Variants in GNAZ observed in about 807,000 individuals in gnomAD.
GNAZ encodes G protein subunit alpha z, also known as guanine nucleotide-binding protein G(z) subunit alpha.
In GNAZ, 3 loss-of-function variants were observed where a neutral mutation model predicts 25.4. The ratio of observed to expected loss-of-function variants is 0.12; its 90% confidence interval spans 0.05 to 0.30. The LOEUF is 0.30. GNAZ is among the 10% of genes least tolerant of loss of function. The pLI, the probability that GNAZ is intolerant of heterozygous loss-of-function variation, is 1.00. For missense variants in GNAZ, 241 were observed against 501.8 expected, an observed-to-expected ratio of 0.48 and a Z score of 4.97; for synonymous variants, 211 against 205.7, an observed-to-expected ratio of 1.03 and a Z score of -0.22.
intron 1 of GNAZ, among the ~76,000 whole-genome samples, chr22:23,078,445 T>A (rs2068570469): frequency 6.6e-6 from 1 of 152,254 alleles, no homozygotes; most frequent in East Asian, 1.9e-4. Flanking sequence ...CCCCCAACAC[T>A]GCCCACCTCC....
rs1307717776 is a variant in GNAZ at position 23,075,253 on chromosome 22, C to T, written c.-450+4683C>T. On this transcript the variant is annotated intron_variant, in intron 1 of 2. Transcript: ENST00000615612. ...GTGGGTTGCGTTGGACTTTCAGGGCCGCTGGAGTCAGTCACACCCAGCCTG... is the reference window on the plus strand; with the variant it reads ...GTGGGTTGCGTTGGACTTTCAGGGCTGCTGGAGTCAGTCACACCCAGCCTG... Among the ~76,000 whole-genome samples the T allele has an allele frequency of 2.0e-5, 3 of 152,136 alleles. No individual in the cohort carries two copies. The South Asian group carries it at 6.2e-4, about 31-fold the overall frequency.
chr22:23,102,004 G>A (rs775188809), intron 2 of GNAZ, among the ~76,000 whole-genome samples: 4 of 152,218 alleles, frequency 2.6e-5, no homozygotes, highest in Non-Finnish European at 5.9e-5. Context: ...GCACTGGAGC[G>A]ATGGGGCCAG....
chr22:23,096,173 C>T lies in GNAZ; in HGVS notation c.478C>T (p.Leu160=). The change falls in exon 2 of 3, where the codon CTG becomes TTG. Residue 160 remains leucine (L), a synonymous_variant. Transcript: ENST00000615612. ...CAACGCGGCCTACTACCTGAACGACCTGGAGCGCATCGCCGCAGCTGACTA... is the reference window on the plus strand; with the variant it reads ...CAACGCGGCCTACTACCTGAACGACTTGGAGCGCATCGCCGCAGCTGACTA... ...EDNAAYYLND[L]ERIAAADYIP... 6.2e-7 allele frequency: 1 copy of T among 1,613,334 alleles called. No individual in the cohort carries two copies. The highest frequency in any genetic ancestry group is 8.5e-7 in the Non-Finnish European group (1 of 1,179,860).
At position 23,124,388 on chromosome 22, in the gene GNAZ, T is replaced by A. The variant is rs1386557485; in HGVS notation, c.*957T>A. On this transcript the variant is annotated 3_prime_UTR_variant, in exon 3 of 3. Coordinates refer to ENST00000615612, the MANE Select transcript of GNAZ (RefSeq NM_002073.4). Reference sequence around the variant, plus strand: ...TAAAAGTTGTTATCTGGACGATCTGTCTCTCTGCTCCAAAGAAATTTTGGA... The same window carrying A: ...TAAAAGTTGTTATCTGGACGATCTGACTCTCTGCTCCAAAGAAATTTTGGA... The A allele has an allele frequency of 6.4e-6, 3 of 469,490 alleles. No homozygotes were observed. Among genetic ancestry groups the A allele is most frequent in the African/African-American group, 6.0e-5 (3 of 50,040 alleles). The allele number at this position is 469,490 out of a possible 1,614,324, so 29.1% of individuals were successfully genotyped here.
chr22:23,107,195 G>C (rs926425995), intron 2 of GNAZ, among the ~76,000 whole-genome samples: 5 of 152,166 alleles, frequency 3.3e-5, no homozygotes, highest in South Asian at 2.1e-4. Flanking sequence ...ATAGTTGCAG[G>C]GGGGAGGGGG....
chr22:23,111,118 A>G (rs1057229305), intron 2 of GNAZ, among the ~76,000 whole-genome samples: 2 of 152,136 alleles, frequency 1.3e-5, no homozygotes, highest in African/African-American at 4.8e-5. Flanking sequence ...GGAATGACTC[A>G]TGCCTCCTCC....
chr22:23,078,818 C>T (rs1741902976), intron 1 of GNAZ, among the ~76,000 whole-genome samples: 1 of 152,212 alleles, frequency 6.6e-6, no homozygotes, highest in Non-Finnish European at 1.5e-5. Context: ...AGCCCAGCCC[C>T]AAAGGGCTTA....
chr22:23,105,123 G>C (rs551481157), intron 2 of GNAZ, among the ~76,000 whole-genome samples: 5 of 152,276 alleles, frequency 3.3e-5, no homozygotes, highest in African/African-American at 9.6e-5. Context: ...GGGGGCCCTG[G>C]GCCTTGTATC....
At chr22:23,114,180 G>A (rs143841975) in intron 2 of GNAZ, among the ~76,000 whole-genome samples, 1 of 152,236 alleles carries the variant, frequency 6.6e-6, no homozygotes, top group African/African-American at 2.4e-5. Flanking sequence ...TGGCCGCAGG[G>A]CTGGCCTGTC....
intron 1 of GNAZ, among the ~76,000 whole-genome samples, chr22:23,087,945 T>C (rs1178473596): frequency 6.6e-6 from 1 of 152,216 alleles, no homozygotes; most frequent in Non-Finnish European, 1.5e-5. Context: ...GTGGCTAATG[T>C]GAGTCCTACA....
intron 2 of GNAZ, among the ~76,000 whole-genome samples, chr22:23,110,558 A>T (rs1377419312): frequency 6.6e-6 from 1 of 152,200 alleles, no homozygotes; most frequent in African/African-American, 2.4e-5. Context: ...TCGCTACCAG[A>T]GACCCTCTCC....
Position 23,080,139 on chromosome 22 carries a change from C to A in GNAZ, c.-450+9569C>A, listed in dbSNP as rs529367941. On this transcript the variant is annotated intron_variant, in intron 1 of 2. Transcript: ENST00000615612. ...CACTTCTTCTCTGCTGTCATGGCCA[C>A]CCTCTCCTCCATAGGTGGAACCTTT... Among the ~76,000 whole-genome samples, 6 of 152,352 alleles carry A rather than the reference C, an allele frequency of 3.9e-5. No homozygotes were observed. In the South Asian group the frequency reaches 8.3e-4, roughly 21 times the overall value.
intron 2 of GNAZ, among the ~76,000 whole-genome samples, chr22:23,098,404 T>C (rs187357352): frequency 2.6e-5 from 4 of 152,328 alleles, no homozygotes; most frequent in Admixed American, 2.6e-4. Flanking sequence ...ATGGGCTGGG[T>C]GGCCCCTGTG....
At chr22:23,118,230 G>A (rs2069906315) in intron 2 of GNAZ, among the ~76,000 whole-genome samples, 1 of 152,218 alleles carries the variant, frequency 6.6e-6, no homozygotes, top group Non-Finnish European at 1.5e-5. Context: ...CTGAAGGCCT[G>A]GTTACAAATC....
chr22:23,085,912 A>G (rs1349823989), intron 1 of GNAZ, among the ~76,000 whole-genome samples: 2 of 152,230 alleles, frequency 1.3e-5, no homozygotes, highest in Non-Finnish European at 2.9e-5. Flanking sequence ...TCAAGGAGAA[A>G]ATCCCAGTTT....
rs114676033 is a variant in GNAZ at position 23,078,915 on chromosome 22, C to A, written c.-450+8345C>A. Among the ~76,000 whole-genome samples, 1,345 of 152,296 alleles carry A rather than the reference C, an allele frequency of 8.8e-3. 25 individuals carry two copies. Among genetic ancestry groups the A allele is most frequent in the African/African-American group, 0.031 (1,274 of 41,554 alleles). On this transcript the variant is annotated intron_variant, in intron 1 of 2. Coordinates refer to ENST00000615612, the MANE Select transcript of GNAZ (RefSeq NM_002073.4). ...TCGGCCAAGTCCAGGTGGGCGGGGGCTGTGCGTCTACCCGTGTCCACCCAG... is the reference window on the plus strand; with the variant it reads ...TCGGCCAAGTCCAGGTGGGCGGGGGATGTGCGTCTACCCGTGTCCACCCAG...
chr22:23,081,187 A>C (rs1359755763), intron 1 of GNAZ, among the ~76,000 whole-genome samples: 1 of 152,186 alleles, frequency 6.6e-6, no homozygotes, highest in African/African-American at 2.4e-5. Flanking sequence ...AAGGAGTATA[A>C]CAGCCTAAAG....
chr22:23,076,087 C>T (rs2068498874), intron 1 of GNAZ, among the ~76,000 whole-genome samples: 1 of 152,226 alleles, frequency 6.6e-6, no homozygotes, highest in Non-Finnish European at 1.5e-5. Context: ...GTGCTGGAGG[C>T]TGGCATGGCA....
At chr22:23,114,679 G>A (rs748785267) in intron 2 of GNAZ, among the ~76,000 whole-genome samples, 4 of 152,254 alleles carry the variant, frequency 2.6e-5, no homozygotes, top group African/African-American at 4.8e-5. Context: ...CACGAGGGAA[G>A]TATGCTTACA....
Sources: allele counts gnomAD v4.1 joint callset (sites outside exome capture counted in the v4.1 genomes callset), GRCh38; gene constraint gnomAD v4.1.1; transcripts MANE v1.5; gene names NCBI Gene and HGNC (gene_info 2026-07-23, HGNC 2026-07-21).